The following TOX variants were observed in gnomAD, a reference collection of about 807,000 sequenced individuals.
TOX encodes the protein thymocyte selection associated high mobility group box.
TOX carries 11 observed loss-of-function variants against 53.7 expected under a neutral mutation model. The ratio of observed to expected loss-of-function variants is 0.20; its 90% CI spans 0.13 to 0.34. The LOEUF is 0.34. Among genes scored for constraint, TOX ranks in the 10% least tolerant of loss-of-function variants. The pLI, the probability that TOX is intolerant of heterozygous loss-of-function variation, is 1.00. For missense variants in TOX, 570 were observed against 664.6 expected, an observed-to-expected ratio of 0.86 and a Z score of 1.56; for synonymous variants, 225 against 245.3, an observed-to-expected ratio of 0.92 and a Z score of 0.77.
intron 1 of TOX, among the ~76,000 whole-genome samples, chr8:59,102,078 T>C (rs957443484): frequency 3.9e-5 from 6 of 152,176 alleles, no homozygotes; most frequent in African/African-American, 1.4e-4. Context: ...CTGAGCAAAT[T>C]TGCAAAAGAA....
At chr8:58,941,714 T>C (rs1394743267) in intron 2 of TOX, among the ~76,000 whole-genome samples, 1 of 152,158 alleles carries the variant, frequency 6.6e-6, no homozygotes, top group Non-Finnish European at 1.5e-5. Context: ...CTGCAAATGC[T>C]GAATTGTTGA....
chr8:58,933,424 A>T (rs541973258), intron 3 of TOX, among the ~76,000 whole-genome samples: 66 of 152,202 alleles, frequency 4.3e-4, no homozygotes, highest in Non-Finnish European at 8.7e-4. Flanking sequence ...CTGCTAAAAT[A>T]GTTCCGTAGT....
At chr8:58,881,594 C>A (rs1391287909) in intron 3 of TOX, among the ~76,000 whole-genome samples, 1 of 151,802 alleles carries the variant, frequency 6.6e-6, no homozygotes, top group East Asian at 1.9e-4. Flanking sequence ...TGTGGTGGCA[C>A]GTGCCTGTAG....
At chr8:58,963,302 G>GATATATAT (rs748048781) in intron 1 of TOX, among the ~76,000 whole-genome samples, 145 of 122,074 alleles carry the variant, frequency 1.2e-3, no homozygotes, top group East Asian at 4.9e-3. Context: ...AAGATAGATA[G>GATATATAT]ATAGATATAT....
intron 3 of TOX, 33 bp downstream of exon 3, chr8:58,939,269 G>GC: frequency 1.2e-6 from 2 of 1,611,420 alleles, no homozygotes; most frequent in South Asian, 1.1e-5. Context: ...GTATCCCTCA[G>GC]CCCCCACCAC....
intron 1 of TOX, among the ~76,000 whole-genome samples, chr8:58,971,420 G>A (rs1563405116): frequency 6.6e-6 from 1 of 152,212 alleles, no homozygotes. Context: ...GTTCCTAGCC[G>A]ACTAGTCTTG....
chr8:58,922,086 T>C (rs550327731), intron 3 of TOX, among the ~76,000 whole-genome samples: 1 of 152,322 alleles, frequency 6.6e-6, no homozygotes, highest in South Asian at 2.1e-4. Context: ...CTGAGAACAA[T>C]AGCTGTTCTT....
At position 59,070,235 on chromosome 8, in the gene TOX, G is replaced by A. The variant is rs532511207; in HGVS notation, c.102+48651C>T. Among the ~76,000 whole-genome samples the A allele has an allele frequency of 5.3e-5, 8 of 152,242 alleles. No individual in the cohort carries two copies. The East Asian group carries it at 1.5e-3, about 29-fold the overall frequency. On this transcript the variant is annotated intron_variant, in intron 1 of 8. Coordinates refer to ENST00000361421, the MANE Select transcript of TOX (RefSeq NM_014729.3). ...AAAAAGTTTAAGTTTAAATGGAAAG[G>A]TAAAGCCAAATATCTGCCTCAACAC...
intron 3 of TOX, among the ~76,000 whole-genome samples, chr8:58,888,824 T>C (rs1811514239): frequency 6.6e-6 from 1 of 152,038 alleles, no homozygotes; most frequent in Non-Finnish European, 1.5e-5. Context: ...GATTACTCAA[T>C]GCATGTCATT....
intron 3 of TOX, among the ~76,000 whole-genome samples, chr8:58,865,422 CT>C (rs879922140): frequency 1.8e-3 from 260 of 145,464 alleles, no homozygotes; most frequent in Middle Eastern, 7.2e-3. Context: ...TATCCTCGTA[CT>C]TTTTTTTTTT....
intron 1 of TOX, among the ~76,000 whole-genome samples, chr8:58,965,467 C>T (rs186325972): frequency 9.9e-5 from 15 of 151,902 alleles, no homozygotes; most frequent in East Asian, 3.9e-4. Context: ...TAGCGAATGA[C>T]GAGCAAAAAT....
intron 1 of TOX, among the ~76,000 whole-genome samples, chr8:58,964,496 C>T (rs1256444741): frequency 1.3e-5 from 2 of 152,082 alleles, no homozygotes; most frequent in African/African-American, 4.8e-5. Flanking sequence ...GGAGCTGGTT[C>T]CAGGGTTCTC....
intron 3 of TOX, among the ~76,000 whole-genome samples, chr8:58,857,744 T>A (rs1251887551): frequency 6.6e-6 from 1 of 152,140 alleles, no homozygotes; most frequent in Non-Finnish European, 1.5e-5. Context: ...TCAGCATATG[T>A]TTTCACTTTC....
chr8:59,021,386 C>G lies in TOX; in HGVS notation c.103-61378G>C, dbSNP rs534878334. Among the ~76,000 whole-genome samples, 106 of 146,524 alleles carry G rather than the reference C, an allele frequency of 7.2e-4. 1 individual carries two copies. In the South Asian group the frequency reaches 0.022, roughly 30 times the overall value. On this transcript the variant is annotated intron_variant, in intron 1 of 8. Coordinates refer to ENST00000361421, the MANE Select transcript of TOX (RefSeq NM_014729.3). The stretch of plus-strand genomic sequence containing the variant: ...AGCTAATAAATACATGGCTATTGTC[C>G]CTGAAAATACTGCCATCTGTTGTCA...
At position 58,939,264 on chromosome 8, in the gene TOX, C is replaced by T. The variant is rs148278616; in HGVS notation, c.411+38G>A. 7 of 1,609,966 alleles carry T rather than the reference C, an allele frequency of 4.3e-6. No individual in the cohort carries two copies. In the East Asian group the frequency reaches 1.3e-4, roughly 31 times the overall value. ...ACTTGGTCCTTGTCCTTATGGTATCCCTCAGCCCCCACCACAAACAGGTAA... is the reference window on the plus strand; with the variant it reads ...ACTTGGTCCTTGTCCTTATGGTATCTCTCAGCCCCCACCACAAACAGGTAA... On this transcript the variant is annotated intron_variant, in intron 3 of 8. Transcript: ENST00000361421.
At position 58,922,103 on chromosome 8, in the gene TOX, G is replaced by C. The variant is rs114265110; in HGVS notation, c.411+17199C>G. Among the ~76,000 whole-genome samples, 350 of 152,280 alleles carry C rather than the reference G, an allele frequency of 2.3e-3. 1 individual carries two copies. Among genetic ancestry groups the C allele is most frequent in the African/African-American group, 7.9e-3 (328 of 41,566 alleles). ...GAGAACAATAGCTGTTCTTAGTTTAGGATCTTCCTAAATGAAGGTGCTATA... is the reference window on the plus strand; with the variant it reads ...GAGAACAATAGCTGTTCTTAGTTTACGATCTTCCTAAATGAAGGTGCTATA... On this transcript the variant is annotated intron_variant, in intron 3 of 8. Transcript: ENST00000361421.
chr8:59,031,381 C>A (rs1166735299), intron 1 of TOX, among the ~76,000 whole-genome samples: 1 of 152,158 alleles, frequency 6.6e-6, no homozygotes, highest in Non-Finnish European at 1.5e-5. Flanking sequence ...ATACATCAAC[C>A]ATTTATTGAT....
At chr8:58,830,123 A>G (rs755403093) in intron 5 of TOX, among the ~76,000 whole-genome samples, 32 of 152,224 alleles carry the variant, frequency 2.1e-4, no homozygotes, top group Admixed American at 4.6e-4. Flanking sequence ...GTTGAGTTAC[A>G]AAATGGCTTC....
intron 1 of TOX, among the ~76,000 whole-genome samples, chr8:59,101,111 G>C (rs1563446810): frequency 6.6e-6 from 1 of 152,136 alleles, no homozygotes; most frequent in Non-Finnish European, 1.5e-5. Flanking sequence ...CGCAGAGAGG[G>C]TAAATGCACA....
Sources: allele counts gnomAD v4.1 joint callset (sites outside exome capture counted in the v4.1 genomes callset), GRCh38; gene constraint gnomAD v4.1.1; transcripts MANE v1.5; gene names NCBI Gene and HGNC (gene_info 2026-07-23, HGNC 2026-07-21).